ST3GAL3: variants seen among roughly 807,000 people sequenced by gnomAD.
ST3GAL3 encodes the protein ST3 beta-galactoside alpha-2,3-sialyltransferase 3.
In ST3GAL3, 21 loss-of-function variants were observed where a neutral mutation model predicts 50.1. The observed-to-expected ratio is 0.42, with a 90% CI of 0.30 to 0.60. The LOEUF (loss-of-function observed/expected upper bound fraction) is 0.60. Among genes scored for constraint, ST3GAL3 ranks in the 20% least tolerant of loss-of-function variants. The pLI is 0.19. For synonymous variants in ST3GAL3, 183 were observed against 190.0 expected, an observed-to-expected ratio of 0.96 and a Z score of 0.30; for missense variants, 353 against 489.4, an observed-to-expected ratio of 0.72 and a Z score of 2.63.
intron 4 of ST3GAL3, among the ~76,000 whole-genome samples, chr1:43,820,597 T>A (rs535245054): frequency 6.6e-6 from 1 of 152,324 alleles, no homozygotes; most frequent in Non-Finnish European, 1.5e-5. Context: ...CATTTTAGAT[T>A]TTTTTTCTTC....
chr1:43,800,710 G>A (rs2059219740), intron 3 of ST3GAL3, among the ~76,000 whole-genome samples: 1 of 152,132 alleles, frequency 6.6e-6, no homozygotes, highest in Non-Finnish European at 1.5e-5. Flanking sequence ...GCCTCATGGG[G>A]CTGTATAGGT....
At chr1:43,844,732 CAGG>C (rs1372268680) in intron 5 of ST3GAL3, among the ~76,000 whole-genome samples, 1 of 151,696 alleles carries the variant, frequency 6.6e-6, no homozygotes, top group Non-Finnish European at 1.5e-5. Flanking sequence ...GAGGCTGAGG[CAGG>C]AGAATGGCGT....
intron 4 of ST3GAL3, among the ~76,000 whole-genome samples, chr1:43,817,368 TCTC>T (rs947609086): frequency 2.4e-5 from 2 of 85,026 alleles, no homozygotes; most frequent in Non-Finnish European, 5.2e-5. Context: ...TCTTCCTTCT[TCTC>T]CTTCTTCTCC....
chr1:43,911,625 A>G (rs12084459), intron 9 of ST3GAL3, among the ~76,000 whole-genome samples: 83,243 of 122,958 alleles, frequency 0.68, 29,579 homozygotes, highest in Non-Finnish European at 0.81. Context: ...AGATATATCT[A>G]TAGATATCTA....
chr1:43,884,541 C>A (rs1172816332), intron 5 of ST3GAL3, among the ~76,000 whole-genome samples: 1 of 152,186 alleles, frequency 6.6e-6, no homozygotes, highest in Admixed American at 6.5e-5. Flanking sequence ...CTCTAGAACA[C>A]CTATCTCCCT....
intron 1 of ST3GAL3, among the ~76,000 whole-genome samples, chr1:43,726,688 G>A (rs934083852): frequency 2.6e-5 from 4 of 152,152 alleles, no homozygotes; most frequent in South Asian, 2.1e-4. Context: ...TCCGCCTGCC[G>A]AGTTCAAGCA....
intron 5 of ST3GAL3, among the ~76,000 whole-genome samples, chr1:43,861,419 A>T (rs1243044311): frequency 7.2e-6 from 1 of 138,650 alleles, no homozygotes; most frequent in Non-Finnish European, 1.6e-5. Context: ...TTCCAGTAAT[A>T]TGTCTTGGTG....
chr1:43,866,431 A>G (rs1471781203), intron 5 of ST3GAL3, among the ~76,000 whole-genome samples: 1 of 152,012 alleles, frequency 6.6e-6, no homozygotes, highest in African/African-American at 2.4e-5. Context: ...AGAAACAAAA[A>G]AATTTAGCCA....
rs899278851 is a variant in ST3GAL3, at chr1:43,915,844, C to T, written c.745-4560C>T. On this transcript the variant is annotated intron_variant, in intron 9 of 11. Transcript: ENST00000347631. ...AGAGAAAGTGGTTTGAGAGGCTGGG[C>T]GCAGTGGCTCACGCCTGTAATCCCA... is the stretch of plus-strand genomic sequence containing the variant. Among the ~76,000 whole-genome samples the T allele has an allele frequency of 2.6e-5, 4 of 152,284 alleles. No homozygotes were observed. The East Asian group carries it at 5.8e-4, about 22-fold the overall frequency.
chr1:43,710,353 A>G (rs1230725161), intron 1 of ST3GAL3, among the ~76,000 whole-genome samples: 1 of 152,126 alleles, frequency 6.6e-6, no homozygotes, highest in African/African-American at 2.4e-5. Flanking sequence ...AAGTGCTGGG[A>G]TTATAGGCAT....
chr1:43,730,326 G>A (rs1254104232), intron 1 of ST3GAL3, among the ~76,000 whole-genome samples: 2 of 152,132 alleles, frequency 1.3e-5, no homozygotes, highest in Non-Finnish European at 1.5e-5. Context: ...TGACAATTCA[G>A]CATCACATCT....
chr1:43,902,393 C>T (rs1024082761), intron 9 of ST3GAL3, among the ~76,000 whole-genome samples: 2 of 152,188 alleles, frequency 1.3e-5, no homozygotes, highest in Non-Finnish European at 2.9e-5. Context: ...CAGGAGTCCT[C>T]ATAGGATATG....
chr1:43,823,545 A>G (rs1409376163), intron 4 of ST3GAL3, among the ~76,000 whole-genome samples: 1 of 152,138 alleles, frequency 6.6e-6, no homozygotes, highest in Non-Finnish European at 1.5e-5. Flanking sequence ...CATCCCATTT[A>G]AAATCATAGC....
chr1:43,778,871 C>T (rs1015897289), intron 2 of ST3GAL3, among the ~76,000 whole-genome samples: 1 of 151,876 alleles, frequency 6.6e-6, no homozygotes, highest in Non-Finnish European at 1.5e-5. Context: ...ATGGTCTCGA[C>T]CTCCTAACCT....
chr1:43,869,836 A>G (rs1416639319), intron 5 of ST3GAL3, among the ~76,000 whole-genome samples: 1 of 152,208 alleles, frequency 6.6e-6, no homozygotes, highest in African/African-American at 2.4e-5. Context: ...CAGTGCACAT[A>G]AAAACAGCGA....
intron 3 of ST3GAL3, chr1:43,801,364 A>G (rs577870886): frequency 4.4e-6 from 2 of 456,294 alleles, no homozygotes; most frequent in Admixed American, 2.3e-5. Context: ...AAATGCCAGT[A>G]GCATGTTAGG....
chr1:43,780,006 GT>G (rs753159067), intron 2 of ST3GAL3, among the ~76,000 whole-genome samples: 9 of 152,126 alleles, frequency 5.9e-5, no homozygotes, highest in East Asian at 1.9e-4. Context: ...CACATCTGTG[GT>G]CTTGAAGTCC....
At chr1:43,864,459 A>G (rs918599611) in intron 5 of ST3GAL3, among the ~76,000 whole-genome samples, 1 of 152,326 alleles carries the variant, frequency 6.6e-6, no homozygotes, top group Non-Finnish European at 1.5e-5. Flanking sequence ...CTGGCCAGGT[A>G]GAGAATCTAG....
intron 2 of ST3GAL3, among the ~76,000 whole-genome samples, chr1:43,773,842 G>A (rs1696218215): frequency 6.6e-6 from 1 of 152,198 alleles, no homozygotes; most frequent in African/African-American, 2.4e-5. Flanking sequence ...AATATCACCA[G>A]TAGTGGGACA....
Sources: allele counts gnomAD v4.1 joint callset (sites outside exome capture counted in the v4.1 genomes callset), GRCh38; gene constraint gnomAD v4.1.1; transcripts MANE v1.5; gene names NCBI Gene and HGNC (gene_info 2026-07-23, HGNC 2026-07-21).